NRG2: variants seen among roughly 807,000 people sequenced by gnomAD.
The protein encoded by NRG2 is pro-neuregulin-2, membrane-bound isoform.
Under a neutral mutation model 73.9 loss-of-function variants are expected in NRG2, and 27 were observed. The observed-to-expected ratio is 0.37, with a 90% CI of 0.27 to 0.50. The LOEUF (loss-of-function observed/expected upper bound fraction) is 0.50. NRG2 is among the 20% of genes least tolerant of loss of function. NRG2 has a pLI of 0.96. For synonymous variants in NRG2, 532 were observed against 541.0 expected, an observed-to-expected ratio of 0.98 and a Z score of 0.23; for missense variants, 1,126 against 1,210.1, an observed-to-expected ratio of 0.93 and a Z score of 1.03.
chr5:139,848,093 T>C lies in NRG2; in HGVS notation c.2377A>G (p.Thr793Ala). Residue 793 changes from threonine to alanine, a missense_variant, in exon 10 of 10, where the codon ACA becomes GCA. Transcript: ENST00000361474. ...GCCCCACGCAGGCCCAGGAAAGGTG[T>C]GCTCTCGGCCGCCAGCGCCCCGTCC... ...DADGALAAES[T>A]PFLGLRGAHD... is the part of the protein sequence containing the mutation. The C allele has an allele frequency of 6.7e-7, 1 of 1,483,488 alleles. No individual in the cohort carries two copies. Among genetic ancestry groups the C allele is most frequent in the Non-Finnish European group, 8.9e-7 (1 of 1,124,566 alleles). 91.9% of individuals were successfully genotyped at this position (1,483,488 alleles called of 1,614,324 possible).
intron 1 of NRG2, among the ~76,000 whole-genome samples, chr5:139,902,544 A>T (rs542421347): frequency 5.3e-5 from 8 of 152,226 alleles, no homozygotes. Flanking sequence ...TTAGTGAATT[A>T]CTTGCTCATG....
intron 1 of NRG2, among the ~76,000 whole-genome samples, chr5:139,935,623 C>G (rs264355): frequency 0.014 from 2,089 of 152,010 alleles, 40 homozygotes; most frequent in African/African-American, 0.047. Context: ...ATATATGGGT[C>G]AAAGAAGAAA....
intron 4 of NRG2, among the ~76,000 whole-genome samples, chr5:139,867,888 A>C (rs1762589916): frequency 6.7e-6 from 1 of 149,714 alleles, no homozygotes; most frequent in South Asian, 2.1e-4. Context: ...GGCAAGGGGA[A>C]ATTTATTTCC....
intron 1 of NRG2, among the ~76,000 whole-genome samples, chr5:139,999,196 T>C (rs1194466248): frequency 6.6e-6 from 1 of 151,976 alleles, no homozygotes; most frequent in Non-Finnish European, 1.5e-5. Flanking sequence ...GGAACCTTAA[T>C]AATACACCCT....
chr5:139,855,793 T>C lies in NRG2; in HGVS notation c.1190-15A>G. On this transcript the variant is annotated splice_polypyrimidine_tract_variant and intron_variant, in intron 5 of 9. Transcript: ENST00000361474. ...CTCCTCGGCTTCTGCAGAGGTAGGG[T>C]AGATGTGAGGGGTGGGGCAGGAGGC... 6.2e-7 allele frequency: 1 copy of C among 1,605,806 alleles called. No individual in the cohort carries two copies. Among genetic ancestry groups the C allele is most frequent in the Non-Finnish European group, 8.5e-7 (1 of 1,172,924 alleles).
intron 9 of NRG2, 34 bp from the exon 10 acceptor site, chr5:139,848,731 A>G (rs576473264): frequency 1.0e-6 from 1 of 992,618 alleles, no homozygotes; most frequent in Non-Finnish European, 1.2e-6. Flanking sequence ...GGCCAGGGCC[A>G]GGCCGGGCCG....
intron 1 of NRG2, among the ~76,000 whole-genome samples, chr5:139,900,147 G>A (rs1480579059): frequency 6.6e-6 from 1 of 151,914 alleles, no homozygotes; most frequent in African/African-American, 2.4e-5. Context: ...TCTCCTCTGT[G>A]AAGTCCTCCC....
At chr5:139,898,532 C>T (rs1363384838) in intron 1 of NRG2, among the ~76,000 whole-genome samples, 2 of 152,208 alleles carry the variant, frequency 1.3e-5, no homozygotes, top group African/African-American at 4.8e-5. Flanking sequence ...AGGTCCAAAC[C>T]CCCAGAATCC....
At chr5:139,966,074 C>A (rs1236800830) in intron 1 of NRG2, among the ~76,000 whole-genome samples, 1 of 152,090 alleles carries the variant, frequency 6.6e-6, no homozygotes, top group Non-Finnish European at 1.5e-5. Flanking sequence ...CTATGGTATC[C>A]CCAGTGTCAG....
Position 139,865,329 on chromosome 5 carries a change from G to A in NRG2, c.1189+220C>T. On this transcript the variant is annotated intron_variant, in intron 5 of 9. Coordinates refer to ENST00000361474, the MANE Select transcript of NRG2 (RefSeq NM_004883.3). This position sits in a 1 kb window ranked among gnomAD's most constrained non-coding sequence, Gnocchi z 5.2. ...CACTCTGCCCCTTACCTGCAGCCCT[G>A]AACTTTAAACCCAAGGATTAGGCCA... 1.3e-6 allele frequency: 1 copy of A among 763,686 alleles called. No homozygotes were observed. The highest frequency in any genetic ancestry group is 2.3e-6 in the Non-Finnish European group (1 of 439,478). 47.3% of individuals were successfully genotyped at this position (763,686 alleles called of 1,614,324 possible).
intron 1 of NRG2, among the ~76,000 whole-genome samples, chr5:139,990,051 G>A (rs2431385): frequency 1.3e-5 from 2 of 151,702 alleles, no homozygotes; most frequent in Non-Finnish European, 2.9e-5. Flanking sequence ...GCCTCCCAAA[G>A]TGCTGGGATT....
intron 1 of NRG2, among the ~76,000 whole-genome samples, chr5:140,003,052 C>T (rs898702221): frequency 2.0e-5 from 3 of 152,070 alleles, no homozygotes; most frequent in Non-Finnish European, 4.4e-5. Flanking sequence ...CTTTTTTTCC[C>T]ATCAACTGAC....
chr5:139,910,172 C>T (rs1765486672), intron 1 of NRG2, among the ~76,000 whole-genome samples: 1 of 152,206 alleles, frequency 6.6e-6, no homozygotes. Context: ...GGGAGATACA[C>T]TTCCAGATTC....
In NRG2 at chr5:139,852,592, AC is replaced by A. The variant is rs1348982690; in HGVS notation, c.1417-34del. The A allele has an allele frequency of 1.9e-6, 3 of 1,605,302 alleles. 1 individual carries two copies. The South Asian group carries it at 3.4e-5, about 18-fold the overall frequency. On this transcript the variant is annotated intron_variant, in intron 7 of 9. Coordinates refer to ENST00000361474, the MANE Select transcript of NRG2 (RefSeq NM_004883.3). This position sits in a 1 kb window ranked among gnomAD's most constrained non-coding sequence, Gnocchi z 4.4. Reference sequence around the variant, plus strand: ...AGACAGAGTTGGGCGAGAGTTAGTGACTGGGGCCCAAATGAACTCTTTCTTG... The same window carrying A: ...AGACAGAGTTGGGCGAGAGTTAGTGATGGGGCCCAAATGAACTCTTTCTTG...
intron 1 of NRG2, among the ~76,000 whole-genome samples, chr5:140,002,866 A>G (rs1220321827): frequency 6.6e-6 from 1 of 152,224 alleles, no homozygotes; most frequent in Non-Finnish European, 1.5e-5. Context: ...TGGGGAGGTG[A>G]TGAGAACTAG....
intron 1 of NRG2, among the ~76,000 whole-genome samples, chr5:139,975,419 C>G (rs866398122): frequency 1.4e-4 from 21 of 152,304 alleles, no homozygotes; most frequent in Middle Eastern, 6.8e-3. Context: ...TTACCCCAGT[C>G]CTACTTTCAA....
Position 139,852,680 on chromosome 5 carries a change from G to T in NRG2, c.1417-121C>A. On this transcript the variant is annotated intron_variant, in intron 7 of 9. Transcript: ENST00000361474. This position sits in a 1 kb window ranked among gnomAD's most constrained non-coding sequence, Gnocchi z 4.4. ...CTGGTTGGGGAGACCCACTGTGTGA[G>T]AGTGACTTGATGTTGGGGCAGCGAT... The T allele has an allele frequency of 1.4e-6, 2 of 1,471,012 alleles. No homozygotes were observed. Among genetic ancestry groups the T allele is most frequent in the Non-Finnish European group, 1.8e-6 (2 of 1,081,096 alleles). 91.1% of individuals were successfully genotyped at this position (1,471,012 alleles called of 1,614,324 possible). A position where few individuals can be genotyped will look rare whatever the true frequency, so the allele number is the denominator to read the frequency against.
intron 1 of NRG2, among the ~76,000 whole-genome samples, chr5:140,020,476 A>C (rs1176313588): frequency 6.6e-6 from 1 of 152,124 alleles, no homozygotes; most frequent in Non-Finnish European, 1.5e-5. Flanking sequence ...AATGCATCTC[A>C]CCTTCCACTT....
At chr5:139,854,974 A>C (rs1761714061) in intron 6 of NRG2, among the ~76,000 whole-genome samples, 1 of 152,072 alleles carries the variant, frequency 6.6e-6, no homozygotes, top group Admixed American at 6.5e-5. Flanking sequence ...TGCTCCAGCT[A>C]GTCTGGGCTG....
Sources: gnomAD v4.1 joint callset for allele counts (sites outside exome capture counted in the v4.1 genomes callset) on GRCh38, gnomAD v4.1.1 for gene constraint, Gnocchi (gnomAD v3.1) non-coding constraint, MANE v1.5 for transcripts, NCBI Gene and HGNC (gene_info 2026-07-23, HGNC 2026-07-21) for gene names.